Variants in PYY observed in about 807,000 individuals in gnomAD.
PYY encodes peptide YY.
Under a neutral mutation model 10.3 loss-of-function variants are expected in PYY, and 12 were observed. The observed-to-expected ratio is 1.17, with a 90% confidence interval of 0.75 to 1.89. The LOEUF (loss-of-function observed/expected upper bound fraction) is 1.89. Ranked by LOEUF, PYY falls within the 40% of genes most tolerant of loss-of-function variation. The probability of loss-of-function intolerance (pLI) is 0.00; values close to 1 mark genes in which losing one functional copy is unlikely to be tolerated. For synonymous variants in PYY, 66 were observed against 62.0 expected (o/e 1.06, Z -0.30); for missense variants, 141 against 134.0 (o/e 1.05, Z -0.26).
rs569153562 is a variant in PYY at position 43,998,159 on chromosome 17, G to A, written c.-463+6232C>T. ...TCACCATGTTGGCCAGGCTGGTCTCGAACTCCTGACTTCAGGTCATCTGCC... is the reference window on the plus strand; with the variant it reads ...TCACCATGTTGGCCAGGCTGGTCTCAAACTCCTGACTTCAGGTCATCTGCC... On this transcript the variant is annotated intron_variant, in intron 1 of 6. Coordinates refer to the PYY transcript ENST00000360085. Among the ~76,000 whole-genome samples the A allele has an allele frequency of 2.4e-3, 371 of 151,964 alleles. 2 individuals are homozygous for A. The highest frequency in any genetic ancestry group is 8.4e-3 in the African/African-American group (346 of 41,432).
In PYY at chr17:43,987,509, C is replaced by T. The variant is rs768995552; in HGVS notation, c.-463+16882G>A. Among the ~76,000 whole-genome samples the T allele has an allele frequency of 1.1e-4, 16 of 152,198 alleles. No homozygotes were observed. The highest frequency in any genetic ancestry group is 1.6e-4 in the Non-Finnish European group (11 of 68,030). ...GCTCGAAGATCAGACCTTGAGAGGT[C>T]GACCCATACTGGGGGTTCTGAATCC... On this transcript the variant is annotated intron_variant, in intron 1 of 6. Coordinates refer to the PYY transcript ENST00000360085. The surrounding 1 kb of genome is among the most constrained non-coding windows in gnomAD (Gnocchi z 4.0).
intron 1 of PYY, among the ~76,000 whole-genome samples, chr17:44,003,077 G>T (rs548195118): frequency 6.6e-6 from 1 of 151,954 alleles, no homozygotes; most frequent in East Asian, 1.9e-4. Flanking sequence ...TCATTCTGTC[G>T]CCCAGACGGG....
upstream of PYY, among the ~76,000 whole-genome samples, chr17:43,956,557 T>A (rs1410237607): frequency 6.7e-6 from 1 of 150,332 alleles, no homozygotes; most frequent in Non-Finnish European, 1.5e-5. Context: ...GGTTTGTCCT[T>A]GAAGGGTGGG....
upstream of PYY, chr17:43,958,031 G>A (rs2048686366): frequency 6.6e-6 from 1 of 151,734 alleles, no homozygotes. Context: ...GGCAAACTCT[G>A]TAAAGGAGCA....
At position 43,969,546 on chromosome 17, in the gene PYY, T is replaced by G. The variant is rs1817101842; in HGVS notation, c.-462-3014A>C. On this transcript the variant is annotated intron_variant, in intron 1 of 6. Coordinates refer to the PYY transcript ENST00000360085. ...AAAAAAAAAAAAAAGCAAATGCTCA[T>G]ATTGATTGATAAAGAAAAACCATTT... Among the ~76,000 whole-genome samples the G allele has an allele frequency of 2.1e-5, 3 of 143,798 alleles. No homozygotes were observed. In the South Asian group the frequency reaches 6.7e-4, roughly 32 times the overall value. 94.3% of individuals were successfully genotyped at this position (143,798 alleles called of 152,430 possible).
chr17:43,984,357 G>A (rs2048902769), intron 1 of PYY, among the ~76,000 whole-genome samples: 1 of 152,196 alleles, frequency 6.6e-6, no homozygotes, highest in South Asian at 2.1e-4. Flanking sequence ...GTGGGAGCAG[G>A]AGGCTCCTCG....
intron 2 of PYY, chr17:43,966,155 T>A (rs1180078282): frequency 6.6e-6 from 1 of 152,646 alleles, no homozygotes; most frequent in East Asian, 1.9e-4. Context: ...CTTAAGTGCC[T>A]ACACTGTGCC....
At chr17:43,981,013 C>T (rs2048880401) in intron 1 of PYY, among the ~76,000 whole-genome samples, 1 of 151,680 alleles carries the variant, frequency 6.6e-6, no homozygotes, top group Admixed American at 6.6e-5. Flanking sequence ...CCATCTGAGA[C>T]AGCAGAACTT....
intron 1 of PYY, among the ~76,000 whole-genome samples, chr17:44,000,105 C>T (rs560328671): frequency 1.3e-4 from 20 of 152,270 alleles, no homozygotes; most frequent in Admixed American, 1.3e-3. Flanking sequence ...GCAGCCTCAA[C>T]CTCCCAGGCT....
Position 43,953,416 on chromosome 17 carries a change from C to G in PYY, c.68G>C (p.Gly23Ala), listed in dbSNP as rs775706410. Residue 23 changes from glycine to alanine, a missense_variant, in exon 2 of 4, where the codon GGG becomes GCG. By Grantham distance (60) the Gly-to-Ala change is moderately conservative. Transcript: ENST00000692052. ...TVLLALLVCL[G>A]ALVDAYPIKP... ...GATGGGGTAGGCGTCGACCAGCGCCCCTAGGCAGACGAGCAGGGCCAGAAG... is the reference window on the plus strand; with the variant it reads ...GATGGGGTAGGCGTCGACCAGCGCCGCTAGGCAGACGAGCAGGGCCAGAAG... The G allele has an allele frequency of 1.9e-6, 3 of 1,612,968 alleles. No individual in the cohort carries two copies. In the East Asian group the frequency reaches 6.7e-5, roughly 36 times the overall value.
chr17:44,001,868 G>A (rs901774974), intron 1 of PYY, among the ~76,000 whole-genome samples: 9 of 152,168 alleles, frequency 5.9e-5, no homozygotes, highest in African/African-American at 1.7e-4. Flanking sequence ...CAGCAGGGGT[G>A]GCCTGCTGTG....
intron 1 of PYY, among the ~76,000 whole-genome samples, chr17:43,970,901 C>T (rs2048788509): frequency 6.6e-6 from 1 of 152,158 alleles, no homozygotes; most frequent in Non-Finnish European, 1.5e-5. Flanking sequence ...ATCAATAGTC[C>T]ATTCCTTTTT....
At chr17:43,991,446 A>G (rs1372463804) in intron 1 of PYY, among the ~76,000 whole-genome samples, 1 of 152,120 alleles carries the variant, frequency 6.6e-6, no homozygotes, top group Non-Finnish European at 1.5e-5. Flanking sequence ...AAATAAATAA[A>G]TAAGATCTCA....
At chr17:43,996,964 C>A (rs1190343843) in intron 1 of PYY, among the ~76,000 whole-genome samples, 1 of 152,174 alleles carries the variant, frequency 6.6e-6, no homozygotes, top group East Asian at 1.9e-4. Context: ...GCTGGGATTA[C>A]AGGTATGAGC....
At chr17:43,963,582 G>GA (rs1555617097) in intron 2 of PYY, among the ~76,000 whole-genome samples, 1 of 73,806 alleles carries the variant, frequency 1.4e-5, no homozygotes, top group Non-Finnish European at 3.0e-5. Flanking sequence ...AAGAAAGAAA[G>GA]AAAGAAAGAA....
intron 1 of PYY, among the ~76,000 whole-genome samples, chr17:43,972,013 T>A (rs1228118229): frequency 6.6e-6 from 1 of 151,920 alleles, no homozygotes; most frequent in Non-Finnish European, 1.5e-5. Flanking sequence ...TGAGCTAATT[T>A]TTGTATAAGG....
At position 43,976,477 on chromosome 17, in the gene PYY, A is replaced by G. The variant is rs1434622844; in HGVS notation, c.-462-9945T>C. Among the ~76,000 whole-genome samples the G allele has an allele frequency of 2.7e-5, 3 of 110,328 alleles. No homozygotes were observed. The East Asian group carries it at 5.6e-3, about 207-fold the overall frequency. The allele number at this position is 110,328 out of a possible 152,430, so 72.4% of individuals were successfully genotyped here. A position where few individuals can be genotyped will look rare whatever the true frequency, so the allele number is the denominator to read the frequency against. On this transcript the variant is annotated intron_variant, in intron 1 of 6. Coordinates refer to the PYY transcript ENST00000360085. ...TACATATATATACACACACACACAT[A>G]TATATATATGCCAGCCACGTGTGGT...
chr17:43,974,197 C>T lies in PYY; in HGVS notation c.-462-7665G>A, dbSNP rs80085831. 3.8e-3 allele frequency among the ~76,000 whole-genome samples: 571 copies of T among 151,996 alleles called. 3 individuals are homozygous for T. Among genetic ancestry groups the T allele is most frequent in the African/African-American group, 0.013 (555 of 41,452 alleles). On this transcript the variant is annotated intron_variant, in intron 1 of 6. Transcript: ENST00000360085. ...AAAGGTTGTTTACCCTTAAAGGTATCGTGGGTGTGTCTTTTCTTCCCTCGC... is the reference window on the plus strand; with the variant it reads ...AAAGGTTGTTTACCCTTAAAGGTATTGTGGGTGTGTCTTTTCTTCCCTCGC...
At chr17:43,957,748 C>G (rs572877548), upstream of PYY, among the ~76,000 whole-genome samples, 1 of 152,246 alleles carries the variant, frequency 6.6e-6, no homozygotes, top group East Asian at 1.9e-4. Context: ...TGTAGTGGCT[C>G]ATGTCTTTCC....
Sources: allele counts gnomAD v4.1 joint callset (sites outside exome capture counted in the v4.1 genomes callset), GRCh38; gene constraint gnomAD v4.1.1; non-coding constraint Gnocchi (gnomAD v3.1); transcripts MANE v1.5; gene names NCBI Gene and HGNC (gene_info 2026-07-23, HGNC 2026-07-21).